RBFOX1: variants seen among roughly 807,000 people sequenced by gnomAD.
The protein encoded by RBFOX1 is RNA binding protein fox-1 homolog 1.
In RBFOX1, 8 loss-of-function variants were observed where a neutral mutation model predicts 57.7. That is an observed-to-expected ratio of 0.14 (90% CI 0.08 to 0.25). RBFOX1 has a LOEUF of 0.25. Among genes scored for constraint, RBFOX1 ranks in the 10% least tolerant of loss-of-function variants. The probability of loss-of-function intolerance (pLI) is 1.00; values close to 1 mark genes in which losing one functional copy is unlikely to be tolerated. For synonymous variants in RBFOX1, 326 were observed against 222.4 expected (o/e 1.47, Z -4.15); for missense variants, 611 against 548.5 (o/e 1.11, Z -1.14).
intron 2 of RBFOX1, among the ~76,000 whole-genome samples, chr16:6,381,142 A>C (rs1357267198): frequency 1.3e-5 from 2 of 152,330 alleles, no homozygotes; most frequent in Middle Eastern, 3.4e-3. Context: ...GAGCTGGAGA[A>C]GAAGGAATAG....
intron 3 of RBFOX1, among the ~76,000 whole-genome samples, chr16:5,645,483 T>C (rs192772242): frequency 3.7e-4 from 57 of 152,348 alleles, no homozygotes; most frequent in African/African-American, 1.2e-3. Context: ...CACACAGCTA[T>C]GAATATACTA....
At chr16:7,396,876 G>T (rs1316763307) in intron 4 of RBFOX1, among the ~76,000 whole-genome samples, 1 of 152,192 alleles carries the variant, frequency 6.6e-6, no homozygotes, top group African/African-American at 2.4e-5. Context: ...AGGAGACAGA[G>T]GTTGCAGTGA....
At position 5,699,434 on chromosome 16, in the gene RBFOX1, A is replaced by C. The variant is rs567206398; in HGVS notation, c.318+100473A>C. 2.7e-5 allele frequency among the ~76,000 whole-genome samples: 4 copies of C among 147,690 alleles called. No homozygotes were observed. In the South Asian group the frequency reaches 8.6e-4, roughly 32 times the overall value. On this transcript the variant is annotated intron_variant, in intron 3 of 19. Coordinates refer to the RBFOX1 transcript ENST00000641259. The stretch of plus-strand genomic sequence containing the variant: ...TTAGTTTATTTCTTCTATGTTCTAC[A>C]CTGGTTTGGAGACAGTAGATTGTTC...
At chr16:7,510,943 G>C (rs1046233703) in intron 4 of RBFOX1, among the ~76,000 whole-genome samples, 1 of 152,278 alleles carries the variant, frequency 6.6e-6, no homozygotes, top group South Asian at 2.1e-4. Context: ...GGCCAGAGGA[G>C]GTTCTCCACA....
At chr16:5,854,810 C>T (rs773683048) in intron 3 of RBFOX1, among the ~76,000 whole-genome samples, 1 of 152,138 alleles carries the variant, frequency 6.6e-6, no homozygotes, top group Non-Finnish European at 1.5e-5. Flanking sequence ...ATACTGCTTT[C>T]CATAATGGCT....
At chr16:6,106,113 T>C (rs1010605455) in intron 1 of RBFOX1, among the ~76,000 whole-genome samples, 32 of 152,112 alleles carry the variant, frequency 2.1e-4, no homozygotes, top group African/African-American at 7.5e-4. Context: ...GCTCCAGGTA[T>C]AGACAATATT....
In RBFOX1 at chr16:5,467,265, A is replaced by G. The variant is rs980047333; in HGVS notation, c.258+11A>G. On this transcript the variant is annotated intron_variant, in intron 2 of 2. Coordinates refer to the RBFOX1 transcript ENST00000585867. ...CTGGTTGAGGGTCAGGTAAGTGCTCATTTTGTCCTGACTTAGGATGTCTGT... is the reference window on the plus strand; with the variant it reads ...CTGGTTGAGGGTCAGGTAAGTGCTCGTTTTGTCCTGACTTAGGATGTCTGT... The G allele has an allele frequency of 1.6e-5, 24 of 1,484,878 alleles. No individual in the cohort carries two copies. The East Asian group carries it at 1.7e-4, about 11-fold the overall frequency. The allele number at this position is 1,484,878 out of a possible 1,614,324, so 92.0% of individuals were successfully genotyped here.
At chr16:5,924,746 A>T (rs931578498) in intron 4 of RBFOX1, among the ~76,000 whole-genome samples, 12 of 152,202 alleles carry the variant, frequency 7.9e-5, no homozygotes, top group African/African-American at 2.7e-4. Context: ...CTACCTTTCC[A>T]GGAATCATTC....
chr16:6,940,867 G>GTC (rs1345274685), intron 3 of RBFOX1, among the ~76,000 whole-genome samples: 2 of 126,092 alleles, frequency 1.6e-5, no homozygotes, highest in African/African-American at 7.0e-5. Context: ...GTGTGTGTGT[G>GTC]TGTGTGTGTG....
At chr16:7,326,730 G>A (rs1240153232) in intron 4 of RBFOX1, among the ~76,000 whole-genome samples, 2 of 151,924 alleles carry the variant, frequency 1.3e-5, no homozygotes, top group Non-Finnish European at 2.9e-5. Context: ...AACATAAAAG[G>A]GCGACAGAGC....
At chr16:7,452,201 T>A (rs2098872101) in intron 4 of RBFOX1, among the ~76,000 whole-genome samples, 1 of 152,170 alleles carries the variant, frequency 6.6e-6, no homozygotes, top group African/African-American at 2.4e-5. Context: ...TAAATAACAA[T>A]ATGGATGAAA....
intron 2 of RBFOX1, among the ~76,000 whole-genome samples, chr16:6,391,263 A>G (rs575899403): frequency 6.6e-6 from 1 of 152,260 alleles, no homozygotes; most frequent in African/African-American, 2.4e-5. Flanking sequence ...TAATCCCAGC[A>G]CTTTGGGAGG....
At chr16:5,900,722 G>A (rs1409753606) in intron 4 of RBFOX1, among the ~76,000 whole-genome samples, 2 of 152,132 alleles carry the variant, frequency 1.3e-5, no homozygotes, top group African/African-American at 2.4e-5. Context: ...GGACCTGGCG[G>A]CCAGCTTCGA....
At chr16:7,386,027 G>C (rs1486370948) in intron 4 of RBFOX1, among the ~76,000 whole-genome samples, 6 of 151,576 alleles carry the variant, frequency 4.0e-5, no homozygotes, top group African/African-American at 1.5e-4. Context: ...CTGACCTCGT[G>C]AACCACACGG....
intron 3 of RBFOX1, among the ~76,000 whole-genome samples, chr16:6,912,011 C>T (rs961385586): frequency 5.9e-5 from 9 of 152,186 alleles, no homozygotes; most frequent in African/African-American, 2.2e-4. Flanking sequence ...GAGTAAGATG[C>T]ATTCTTCAAA....
At chr16:6,916,416 C>T (rs1311061448) in intron 3 of RBFOX1, among the ~76,000 whole-genome samples, 2 of 151,984 alleles carry the variant, frequency 1.3e-5, no homozygotes, top group African/African-American at 4.8e-5. Context: ...TGAATATATC[C>T]CTAGGTGTGG....
intron 3 of RBFOX1, among the ~76,000 whole-genome samples, chr16:5,701,934 T>C (rs145972667): frequency 1.3e-5 from 2 of 152,338 alleles, no homozygotes; most frequent in African/African-American, 4.8e-5. Context: ...GTATAAACTC[T>C]AGGAGAATGG....
intron 3 of RBFOX1, chr16:6,703,888 C>G (rs574113053): frequency 6.6e-6 from 1 of 152,172 alleles, no homozygotes. Context: ...ACACCTGAGG[C>G]TACAGCAGAC....
chr16:7,106,307 C>G (rs961385820), intron 4 of RBFOX1, among the ~76,000 whole-genome samples: 4 of 152,148 alleles, frequency 2.6e-5, no homozygotes, highest in African/African-American at 7.2e-5. Flanking sequence ...GTCATTCATC[C>G]TGGTCAGAGA....
Sources: gnomAD v4.1 joint callset for allele counts (sites outside exome capture counted in the v4.1 genomes callset) on GRCh38, gnomAD v4.1.1 for gene constraint, MANE v1.5 for transcripts, NCBI Gene and HGNC (gene_info 2026-07-23, HGNC 2026-07-21) for gene names.